The following IL1RAPL1 variants were observed in gnomAD, a reference collection of about 807,000 sequenced individuals.
IL1RAPL1 encodes interleukin 1 receptor accessory protein like 1.
In IL1RAPL1, 3 loss-of-function variants were observed where a neutral mutation model predicts 48.4. The observed-to-expected ratio is 0.06, with a 90% CI of 0.03 to 0.16. The LOEUF (loss-of-function observed/expected upper bound fraction) is 0.16, where lower values mean the gene tolerates loss of function less well. IL1RAPL1 is among the 10% of genes least tolerant of loss of function. The probability of loss-of-function intolerance (pLI) is 1.00; values close to 1 mark genes in which losing one functional copy is unlikely to be tolerated. For synonymous variants in IL1RAPL1, 185 were observed against 187.7 expected (o/e 0.99, Z 0.12); for missense variants, 349 against 530.6 (o/e 0.66, Z 3.36).
At chrX:29,631,924 A>T (rs1475562630) in intron 5 of IL1RAPL1, among the ~76,000 whole-genome samples, 2 of 112,196 alleles carry the variant, frequency 1.8e-5, no homozygotes, top group African/African-American at 6.5e-5. Context: ...TTTAGTATTA[A>T]GGGTCAGATA....
chrX:29,506,665 G>C lies in IL1RAPL1; in HGVS notation c.703+107357G>C, dbSNP rs746554937. 9.0e-5 allele frequency among the ~76,000 whole-genome samples: 10 copies of C among 110,621 alleles called. No homozygotes were observed. The South Asian group carries it at 3.9e-3, about 43-fold the overall frequency. Reference sequence around the variant, plus strand: ...TGGGTTTCATGCCCAGGGACCTGTGGAACAAACTTCCTACAGTATAGTACT... The same window carrying C: ...TGGGTTTCATGCCCAGGGACCTGTGCAACAAACTTCCTACAGTATAGTACT... On this transcript the variant is annotated intron_variant, in intron 5 of 10. Transcript: ENST00000378993.
chrX:28,762,211 TA>T (rs1936181127), intron 1 of IL1RAPL1, among the ~76,000 whole-genome samples: 1 of 111,556 alleles, frequency 9.0e-6, no homozygotes, highest in African/African-American at 3.3e-5. Flanking sequence ...GAGAACATTA[TA>T]AATGATGAAA....
Position 29,177,798 on chromosome X carries a change from G to A in IL1RAPL1, c.83-105140G>A, listed in dbSNP as rs181567114. Among the ~76,000 whole-genome samples, 3 of 110,979 alleles carry A rather than the reference G, an allele frequency of 2.7e-5. No homozygotes were observed. The East Asian group carries it at 8.6e-4, about 32-fold the overall frequency. On this transcript the variant is annotated intron_variant, in intron 2 of 10. Coordinates refer to ENST00000378993, the MANE Select transcript of IL1RAPL1 (RefSeq NM_014271.4). ...GTGATGTTCCCCTCCCTGTATCCAAGTGTTCTCATTGTTCAGTTCCCACTT... is the reference window on the plus strand; with the variant it reads ...GTGATGTTCCCCTCCCTGTATCCAAATGTTCTCATTGTTCAGTTCCCACTT...
intron 6 of IL1RAPL1, among the ~76,000 whole-genome samples, chrX:29,794,924 T>G (rs1476200181): frequency 8.9e-6 from 1 of 112,276 alleles, no homozygotes; most frequent in Non-Finnish European, 1.9e-5. Flanking sequence ...GAAACCTCTC[T>G]GTAGATTTTG....
At chrX:29,488,577 ATAACTATGAGAGGTGGTGCATATG>A (rs1225342095) in intron 5 of IL1RAPL1, among the ~76,000 whole-genome samples, 4 of 112,292 alleles carry the variant, frequency 3.6e-5, no homozygotes, top group Non-Finnish European at 7.5e-5. Flanking sequence ...CACCACAAAC[ATAACTATGAGAGGTGGTGCATATG>A]TAACTATGAG....
At chrX:28,754,035 C>A (rs190750782) in intron 1 of IL1RAPL1, among the ~76,000 whole-genome samples, 1 of 92,113 alleles carries the variant, frequency 1.1e-5, no homozygotes, top group Non-Finnish European at 2.1e-5. Context: ...GCTATTTCTT[C>A]TTCAGCATCA....
intron 1 of IL1RAPL1, among the ~76,000 whole-genome samples, chrX:28,730,910 ACT>A (rs919453320): frequency 4.5e-5 from 5 of 111,603 alleles, no homozygotes; most frequent in African/African-American, 1.6e-4. Flanking sequence ...AATGTGCCAG[ACT>A]CTACGCATTG....
At chrX:29,782,145 T>C (rs866717700) in intron 6 of IL1RAPL1, among the ~76,000 whole-genome samples, 1 of 109,460 alleles carries the variant, frequency 9.1e-6, no homozygotes, top group Non-Finnish European at 1.9e-5. Context: ...TATCTATCTA[T>C]GTACCTACCT....
chrX:29,250,357 G>C (rs759190620), intron 2 of IL1RAPL1, among the ~76,000 whole-genome samples: 2 of 112,158 alleles, frequency 1.8e-5, no homozygotes, highest in African/African-American at 6.5e-5. Flanking sequence ...TGAGTGAGTA[G>C]GATGGGCATT....
At position 29,552,457 on chromosome X, in the gene IL1RAPL1, C is replaced by T. The variant is rs189867106; in HGVS notation, c.704-115973C>T. 2.1e-3 allele frequency among the ~76,000 whole-genome samples: 238 copies of T among 111,125 alleles called. 1 individual carries two copies. The highest frequency in any genetic ancestry group is 7.3e-3 in the African/African-American group (224 of 30,585). Reference sequence around the variant, plus strand: ...TACTAACTAAATGGGACAACTATATCGTTACATACCATGGTTTCACTCATT... The same window carrying T: ...TACTAACTAAATGGGACAACTATATTGTTACATACCATGGTTTCACTCATT... On this transcript the variant is annotated intron_variant, in intron 5 of 10. Coordinates refer to ENST00000378993, the MANE Select transcript of IL1RAPL1 (RefSeq NM_014271.4).
At position 28,823,079 on chromosome X, in the gene IL1RAPL1, C is replaced by T. The variant is rs1936954787; in HGVS notation, c.82+33654C>T. 2.7e-5 allele frequency among the ~76,000 whole-genome samples: 3 copies of T among 111,577 alleles called. No individual in the cohort carries two copies. The South Asian group carries it at 1.1e-3, about 42-fold the overall frequency. On this transcript the variant is annotated intron_variant, in intron 2 of 10. Coordinates refer to ENST00000378993, the MANE Select transcript of IL1RAPL1 (RefSeq NM_014271.4). ...CTCTTTCATTGTGTTTCATTTTCTT[C>T]AACCCATCTCATAATACCTCTTGAG...
intron 6 of IL1RAPL1, among the ~76,000 whole-genome samples, chrX:29,689,979 G>GC (rs1351835316): frequency 1.8e-5 from 2 of 111,534 alleles, no homozygotes; most frequent in African/African-American, 6.5e-5. Context: ...AGGTCAGAGA[G>GC]CCAACTGGGA....
At chrX:28,865,897 G>C (rs7064873) in intron 2 of IL1RAPL1, among the ~76,000 whole-genome samples, 2,903 of 111,757 alleles carry the variant, frequency 0.026, 92 homozygotes, top group African/African-American at 0.09. Context: ...TTGGCAAGAT[G>C]CAAGAGAATG....
At chrX:28,899,160 C>G (rs762912182) in intron 2 of IL1RAPL1, among the ~76,000 whole-genome samples, 48 of 111,205 alleles carry the variant, frequency 4.3e-4, no homozygotes, top group Non-Finnish European at 7.9e-4. Flanking sequence ...CAAACACTTA[C>G]AAGACCATTA....
At chrX:29,866,765 T>G (rs1931703412) in intron 6 of IL1RAPL1, among the ~76,000 whole-genome samples, 1 of 108,474 alleles carries the variant, frequency 9.2e-6, no homozygotes, top group African/African-American at 3.4e-5. Flanking sequence ...CCAGTCTTGT[T>G]AACATTGCTG....
intron 5 of IL1RAPL1, among the ~76,000 whole-genome samples, chrX:29,629,909 A>G (rs1301648686): frequency 1.8e-5 from 2 of 112,148 alleles, no homozygotes; most frequent in Admixed American, 9.5e-5. Flanking sequence ...AACCCGTTCA[A>G]TGCTGTTTGT....
intron 2 of IL1RAPL1, among the ~76,000 whole-genome samples, chrX:29,192,141 AG>A (rs1291565768): frequency 9.0e-6 from 1 of 111,462 alleles, no homozygotes; most frequent in East Asian, 2.8e-4. Flanking sequence ...ACCCCTCCAA[AG>A]GGGACACGAC....
At chrX:29,312,372 C>CCGAGAT (rs1314087087) in intron 3 of IL1RAPL1, among the ~76,000 whole-genome samples, 1 of 111,091 alleles carries the variant, frequency 9.0e-6, no homozygotes, top group African/African-American at 3.3e-5. Context: ...TTGCAGTCAG[C>CCGAGAT]CGAGATCGTA....
chrX:29,045,898 ACCT>A (rs200493716), intron 2 of IL1RAPL1, among the ~76,000 whole-genome samples: 12,127 of 67,049 alleles, frequency 0.18, 805 homozygotes, highest in Non-Finnish European at 0.25. Flanking sequence ...CTCCTCCTCC[ACCT>A]CCTCCTCCTC....
Sources: allele counts gnomAD v4.1 joint callset (sites outside exome capture counted in the v4.1 genomes callset), GRCh38; gene constraint gnomAD v4.1.1; transcripts MANE v1.5; gene names NCBI Gene and HGNC (gene_info 2026-07-23, HGNC 2026-07-21).